The following GATAD1 variants were observed in gnomAD, a reference collection of about 807,000 sequenced individuals.
GATAD1 encodes the protein GATA zinc finger domain containing 1.
In GATAD1, 12 loss-of-function variants were observed where a neutral mutation model predicts 26.5. The observed-to-expected ratio is 0.45, with a 90% CI of 0.29 to 0.73. GATAD1 has a LOEUF of 0.73. Ranked by LOEUF, GATAD1 falls within the 30% of genes least tolerant of loss-of-function variation. The pLI is 0.10. For missense variants in GATAD1, 266 were observed against 342.1 expected (o/e 0.78, Z 1.75); for synonymous variants, 129 against 133.1 (o/e 0.97, Z 0.21).
rs1462225489 is a variant in GATAD1, at chr7:92,456,677, A to G, written c.*115A>G. The G allele has an allele frequency of 1.7e-6, 1 of 593,152 alleles. No homozygotes were observed. The highest frequency in any genetic ancestry group is 2.9e-6 in the Non-Finnish European group (1 of 342,310). The allele number at this position is 593,152 out of a possible 1,614,324, so 36.7% of individuals were successfully genotyped here. On this transcript the variant is annotated 3_prime_UTR_variant, in exon 5 of 5. Coordinates refer to ENST00000287957, the MANE Select transcript of GATAD1 (RefSeq NM_021167.5). ...ATGGAGTCAGATTCTCTTTCTTAAA[A>G]AACCACAAAAAAACTGGATTTCCAG...
the GATAD1 span, chr7:92,472,667 A>G: frequency 2.0e-5 from 3 of 152,258 alleles, no homozygotes; most frequent in Non-Finnish European, 4.4e-5. Flanking sequence ...CTATTTCGCC[A>G]TACCTGGGAA....
the GATAD1 span, among the ~76,000 whole-genome samples, chr7:92,473,542 G>A: frequency 2.6e-5 from 4 of 151,986 alleles, no homozygotes; most frequent in Admixed American, 2.6e-4. Flanking sequence ...CAACAAACGG[G>A]TGTTCCTTCT....
chr7:92,486,722 T>TTTAA, the GATAD1 span, among the ~76,000 whole-genome samples: 1 of 152,022 alleles, frequency 6.6e-6, no homozygotes, highest in African/African-American at 2.4e-5. Context: ...ACTTGTATAT[T>TTTAA]TTAATTAATG....
At chr7:92,489,623 G>A in the GATAD1 span, 1 of 1,199,834 alleles carries the variant, frequency 8.3e-7, no homozygotes, top group Non-Finnish European at 1.2e-6. Flanking sequence ...TATAAATATA[G>A]CTCGTTTATA....
chr7:92,481,102 A>G, the GATAD1 span, among the ~76,000 whole-genome samples: 1 of 152,198 alleles, frequency 6.6e-6, no homozygotes, highest in Non-Finnish European at 1.5e-5. Flanking sequence ...AAGATTCTAT[A>G]GCATAGCCTG....
chr7:92,447,711 G>C lies in GATAD1; in HGVS notation c.-19G>C. The C allele has an allele frequency of 6.9e-7, 1 of 1,446,798 alleles. No individual in the cohort carries two copies. The highest frequency in any genetic ancestry group is 1.4e-5 in the South Asian group (1 of 72,490). The allele number at this position is 1,446,798 out of a possible 1,614,324, so 89.6% of individuals were successfully genotyped here. On this transcript the variant is annotated 5_prime_UTR_variant, in exon 1 of 5. Transcript: ENST00000287957. ...TTCCCGTGTCTCTGCGCCCGCGGGG[G>C]CCGCCCGAGCCGGCCACCATGCCGC...
At chr7:92,493,313 A>T in the GATAD1 span, 1 of 425,084 alleles carries the variant, frequency 2.4e-6, no homozygotes, top group African/African-American at 2.1e-5. Flanking sequence ...CAACAGAAAT[A>T]ATATATATAG....
At chr7:92,487,478 T>G in the GATAD1 span, 1 of 1,590,678 alleles carries the variant, frequency 6.3e-7, no homozygotes, top group African/African-American at 1.3e-5. Context: ...TTACTTTCTG[T>G]CCAGGTCGAA....
At chr7:92,492,134 C>A in the GATAD1 span, among the ~76,000 whole-genome samples, 1 of 152,066 alleles carries the variant, frequency 6.6e-6, no homozygotes, top group Non-Finnish European at 1.5e-5. Context: ...ACAGAAAGTA[C>A]AAGATAAACC....
At chr7:92,471,259 A>C in the GATAD1 span, 1 of 166,818 alleles carries the variant, frequency 6.0e-6, no homozygotes, top group Non-Finnish European at 1.5e-5. Context: ...CTCCAGGGTA[A>C]TGGCCTGTTC....
intron 2 of GATAD1, chr7:92,449,232 T>G: frequency 1.1e-6 from 1 of 877,192 alleles, no homozygotes; most frequent in Middle Eastern, 5.8e-4. Context: ...AGAAAACTTT[T>G]TTTTTTCATT....
the GATAD1 span, chr7:92,494,299 A>G: frequency 6.2e-7 from 1 of 1,611,268 alleles, no homozygotes; most frequent in Non-Finnish European, 8.5e-7. Flanking sequence ...TCACCTGATC[A>G]GGAGGAGGAC....
At chr7:92,455,459 A>G (rs1789630540) in intron 4 of GATAD1, among the ~76,000 whole-genome samples, 1 of 152,174 alleles carries the variant, frequency 6.6e-6, no homozygotes, top group Non-Finnish European at 1.5e-5. Flanking sequence ...TACACATGTC[A>G]TCTTAGGCCT....
At chr7:92,465,012 C>A (rs1486560028), downstream of GATAD1, 1 of 152,088 alleles carries the variant, frequency 6.6e-6, no homozygotes, top group Non-Finnish European at 1.5e-5. Context: ...GGCTTGTGAT[C>A]CAGATAAAGA....
the GATAD1 span, among the ~76,000 whole-genome samples, chr7:92,478,472 G>C: frequency 2.2e-4 from 34 of 152,292 alleles, no homozygotes; most frequent in East Asian, 4.6e-3. Context: ...GATTATAAGT[G>C]GGGATAAGTG....
intron 3 of GATAD1, among the ~76,000 whole-genome samples, chr7:92,451,707 A>G (rs1457707941): frequency 6.6e-6 from 1 of 152,228 alleles, no homozygotes; most frequent in Non-Finnish European, 1.5e-5. Context: ...CATTTAATAC[A>G]TTGTTAATAA....
the GATAD1 span, among the ~76,000 whole-genome samples, chr7:92,485,889 T>C: frequency 6.6e-6 from 1 of 152,238 alleles, no homozygotes; most frequent in Admixed American, 6.5e-5. Context: ...GTATGAGGTC[T>C]GGAGGAAAAG....
At chr7:92,453,499 A>G (rs1345782938) in intron 3 of GATAD1, among the ~76,000 whole-genome samples, 1 of 152,234 alleles carries the variant, frequency 6.6e-6, no homozygotes, top group Admixed American at 6.5e-5. Context: ...AATGAGACAC[A>G]AAGCCTTGAA....
At chr7:92,483,566 T>C in the GATAD1 span, among the ~76,000 whole-genome samples, 1 of 152,260 alleles carries the variant, frequency 6.6e-6, no homozygotes, top group East Asian at 1.9e-4. Context: ...GGTCTAGGGC[T>C]GTAAAGCCTG....
Sources: allele counts gnomAD v4.1 joint callset (sites outside exome capture counted in the v4.1 genomes callset), GRCh38; gene constraint gnomAD v4.1.1; transcripts MANE v1.5; gene names NCBI Gene and HGNC (gene_info 2026-07-23, HGNC 2026-07-21).